The following SYNCRIP variants were observed in gnomAD, a reference collection of about 807,000 sequenced individuals.
SYNCRIP encodes synaptotagmin binding cytoplasmic RNA interacting protein.
SYNCRIP carries 9 observed loss-of-function variants against 68.9 expected under a neutral mutation model. The ratio of observed to expected loss-of-function variants is 0.13; its 90% confidence interval spans 0.08 to 0.23. The LOEUF (loss-of-function observed/expected upper bound fraction) is 0.23. Ranked by LOEUF, SYNCRIP falls within the 10% of genes least tolerant of loss-of-function variation. SYNCRIP has a pLI of 1.00. For missense variants in SYNCRIP, 414 were observed against 770.6 expected (o/e 0.54, Z 5.48); for synonymous variants, 258 against 254.0 (o/e 1.02, Z -0.15).
chr6:85,634,990 C>T (rs576439153), intron 6 of SYNCRIP, among the ~76,000 whole-genome samples: 42 of 152,136 alleles, frequency 2.8e-4, no homozygotes, highest in African/African-American at 1.0e-3. Context: ...GCCAACATAA[C>T]CCCATCTCTA....
At chr6:85,617,410 A>G (rs910894638) in intron 10 of SYNCRIP, among the ~76,000 whole-genome samples, 1 of 152,180 alleles carries the variant, frequency 6.6e-6, no homozygotes, top group African/African-American at 2.4e-5. Context: ...TAATAAATTA[A>G]CCATATATCG....
intron 6 of SYNCRIP, among the ~76,000 whole-genome samples, chr6:85,624,366 A>G (rs987594718): frequency 2.0e-5 from 3 of 152,202 alleles, no homozygotes; most frequent in African/African-American, 7.2e-5. Context: ...CTTAAATTCA[A>G]AAACTGCCAG....
chr6:85,613,760 TAG>T (rs1805463709), downstream of SYNCRIP, among the ~76,000 whole-genome samples: 3 of 152,232 alleles, frequency 2.0e-5, no homozygotes, highest in South Asian at 6.2e-4. Flanking sequence ...GTTTTCACAC[TAG>T]AGTTTCTTTG....
At chr6:85,635,048 C>T (rs1007024746) in intron 6 of SYNCRIP, among the ~76,000 whole-genome samples, 4 of 152,084 alleles carry the variant, frequency 2.6e-5, no homozygotes, top group Non-Finnish European at 5.9e-5. Context: ...GCCTATTATC[C>T]CAGCTACTCG....
downstream of SYNCRIP, chr6:85,612,021 A>G (rs1000392143): frequency 1.3e-5 from 2 of 152,176 alleles, no homozygotes; most frequent in Non-Finnish European, 2.9e-5. Context: ...ACTATTATAC[A>G]TCCAAATAAC....
At chr6:85,631,109 G>A (rs539111011) in intron 6 of SYNCRIP, among the ~76,000 whole-genome samples, 1 of 152,294 alleles carries the variant, frequency 6.6e-6, no homozygotes, top group East Asian at 1.9e-4. Context: ...TTGGGAGGCT[G>A]AGGCGGGCAA....
intron 8 of SYNCRIP, among the ~76,000 whole-genome samples, chr6:85,621,402 G>T (rs1033313402): frequency 2.6e-5 from 4 of 152,126 alleles, no homozygotes; most frequent in African/African-American, 7.2e-5. Context: ...GCTAAGAATT[G>T]TAAGACCGGC....
chr6:85,615,839 T>G (rs1207375939), intron 10 of SYNCRIP, among the ~76,000 whole-genome samples: 1 of 152,198 alleles, frequency 6.6e-6, no homozygotes, highest in Non-Finnish European at 1.5e-5. Context: ...TGAATTGCAT[T>G]TCTGCTAAGA....
rs367722306 is a variant in SYNCRIP, at chr6:85,627,531, C to CA, written c.667-3420dup. On this transcript the variant is annotated intron_variant, in intron 6 of 10. Transcript: ENST00000369622. ...TCTATCACCTAAAAAAAAACAAAAA[C>CA]AAAAAAACACTTATCCCAGCAAGAT... Among the ~76,000 whole-genome samples the CA allele has an allele frequency of 4.3e-3, 655 of 151,436 alleles. 7 individuals carry two copies. The highest frequency in any genetic ancestry group is 0.015 in the African/African-American group (622 of 41,310).
downstream of SYNCRIP, chr6:85,608,327 T>C (rs1804986441): frequency 1.3e-5 from 2 of 152,030 alleles, no homozygotes; most frequent in African/African-American, 2.4e-5. Flanking sequence ...CTGGAGATCC[T>C]AAGACATGCT....
At chr6:85,640,190 TTAAAAC>T (rs1352202135) in intron 4 of SYNCRIP, 25 bp downstream of exon 4, 2 of 1,489,644 alleles carry the variant, frequency 1.3e-6, no homozygotes, top group Admixed American at 3.5e-5. Context: ...TAAAATGACT[TTAAAAC>T]TAAAGGGAGT....
chr6:85,633,261 C>CAAATAAAT (rs111489467), intron 6 of SYNCRIP, among the ~76,000 whole-genome samples: 42 of 130,556 alleles, frequency 3.2e-4, no homozygotes, highest in East Asian at 6.5e-4. Flanking sequence ...ATCTCAAAAA[C>CAAATAAAT]AAATAAATAA....
At chr6:85,631,494 G>C (rs1807784550) in intron 6 of SYNCRIP, among the ~76,000 whole-genome samples, 1 of 152,158 alleles carries the variant, frequency 6.6e-6, no homozygotes. Context: ...TGATCTAATT[G>C]ATGTTGCCAA....
upstream of SYNCRIP, chr6:85,643,002 T>TTCCCC (rs1809398183): frequency 3.3e-5 from 1 of 30,722 alleles, no homozygotes; most frequent in Admixed American, 3.7e-4. Context: ...TGACCCCCCC[T>TTCCCC]TCCCTTCCCT....
chr6:85,614,453 T>C lies in SYNCRIP; in HGVS notation c.*303A>G. ...TGAAGACACCAAATCTAAACACTAC[T>C]GGAAACATCGTTGACACTACAGCCA... On this transcript the variant is annotated 3_prime_UTR_variant, in exon 11 of 11. Transcript: ENST00000369622. The C allele has an allele frequency of 9.2e-7, 1 of 1,083,748 alleles. No homozygotes were observed. The highest frequency in any genetic ancestry group is 1.1e-6 in the Non-Finnish European group (1 of 893,974). 67.1% of individuals were successfully genotyped at this position (1,083,748 alleles called of 1,614,324 possible).
At chr6:85,620,137 T>C (rs1485575453) in intron 8 of SYNCRIP, among the ~76,000 whole-genome samples, 3 of 152,124 alleles carry the variant, frequency 2.0e-5, no homozygotes, top group Admixed American at 2.0e-4. Context: ...TTCCAGCTAC[T>C]CGGGAGGCTG....
downstream of SYNCRIP, chr6:85,613,007 C>A (rs1583234360): frequency 6.9e-7 from 1 of 1,453,974 alleles, no homozygotes; most frequent in Non-Finnish European, 9.3e-7. Context: ...ATTAAAAAGA[C>A]AAGCCTTAAC....
intron 6 of SYNCRIP, among the ~76,000 whole-genome samples, chr6:85,634,861 C>A (rs749216054): frequency 7.9e-5 from 12 of 152,190 alleles, no homozygotes; most frequent in Non-Finnish European, 1.5e-4. Context: ...AGGAGGACTG[C>A]TTGAGACCAT....
At chr6:85,632,143 CAAATAT>C (rs1807868102) in intron 6 of SYNCRIP, among the ~76,000 whole-genome samples, 1 of 152,164 alleles carries the variant, frequency 6.6e-6, no homozygotes, top group Non-Finnish European at 1.5e-5. Context: ...AGTCCACATA[CAAATAT>C]AAAGTCTACA....
Sources: allele counts gnomAD v4.1 joint callset (sites outside exome capture counted in the v4.1 genomes callset), GRCh38; gene constraint gnomAD v4.1.1; transcripts MANE v1.5; gene names NCBI Gene and HGNC (gene_info 2026-07-23, HGNC 2026-07-21).